Variants in MYO18B observed in about 807,000 individuals in gnomAD.
MYO18B encodes unconventional myosin-XVIIIb.
In MYO18B, 204 loss-of-function variants were observed where a neutral mutation model predicts 273.0. The observed-to-expected ratio is 0.75, with a 90% CI of 0.67 to 0.84. MYO18B has a LOEUF of 0.84. MYO18B is among the 40% of genes least tolerant of loss of function. MYO18B has a pLI of 0.00. For missense variants in MYO18B, 3,212 were observed against 3,287.6 expected (o/e 0.98, Z 0.56); for synonymous variants, 1,330 against 1,305.7 (o/e 1.02, Z -0.40).
At chr22:25,834,139 CTTCTTTTTTTTT>C (rs143178040) in intron 16 of MYO18B, among the ~76,000 whole-genome samples, 1,727 of 151,402 alleles carry the variant, frequency 0.011, 32 homozygotes, top group African/African-American at 0.039. Flanking sequence ...CTACCTTCTT[CTTCTTTTTTTTT>C]TTCTTTTTTT....
At chr22:25,946,565 AT>A (rs2092715433) in intron 35 of MYO18B, among the ~76,000 whole-genome samples, 1 of 152,200 alleles carries the variant, frequency 6.6e-6, no homozygotes, top group Non-Finnish European at 1.5e-5. Context: ...ATCTGCAACG[AT>A]AAGCAAGGAA....
intron 42 of MYO18B, among the ~76,000 whole-genome samples, chr22:26,018,905 G>A (rs1015413592): frequency 1.3e-5 from 2 of 152,112 alleles, no homozygotes; most frequent in African/African-American, 2.4e-5. Flanking sequence ...GCAGTGAGCC[G>A]AGATTGTGCC....
chr22:25,920,917 A>G (rs577753061), intron 33 of MYO18B, among the ~76,000 whole-genome samples: 1 of 152,358 alleles, frequency 6.6e-6, no homozygotes, highest in African/African-American at 2.4e-5. Flanking sequence ...GTGAGGTCAC[A>G]CTGATGACTT....
chr22:25,777,439 A>G, intron 7 of MYO18B, 144 bp from the exon 8 acceptor site: 1 of 764,068 alleles, frequency 1.3e-6, no homozygotes, highest in Non-Finnish European at 2.0e-6. Flanking sequence ...CTCCTAGTCG[A>G]GTAGGAAGGG....
intron 42 of MYO18B, among the ~76,000 whole-genome samples, chr22:26,005,063 A>G (rs1471037811): frequency 1.3e-5 from 2 of 152,204 alleles, no homozygotes; most frequent in African/African-American, 2.4e-5. Context: ...CTCATCTGCA[A>G]TACATGGAAT....
At chr22:26,031,396 C>CT (rs1008907317), downstream of MYO18B, among the ~76,000 whole-genome samples, 1 of 152,154 alleles carries the variant, frequency 6.6e-6, no homozygotes, top group Non-Finnish European at 1.5e-5. Flanking sequence ...TAAATTCCTT[C>CT]TGAGAGCTGT....
chr22:25,969,973 T>A (rs1256021148), intron 39 of MYO18B, among the ~76,000 whole-genome samples: 1 of 152,102 alleles, frequency 6.6e-6, no homozygotes, highest in African/African-American at 2.4e-5. Flanking sequence ...CCATATCATC[T>A]TCTTCATCAC....
At chr22:25,779,235 A>T (rs1229818954) in intron 8 of MYO18B, among the ~76,000 whole-genome samples, 38 of 152,182 alleles carry the variant, frequency 2.5e-4, no homozygotes, top group Admixed American at 2.5e-3. Context: ...TTCTAATAAT[A>T]ATAACTATAA....
intron 11 of MYO18B, among the ~76,000 whole-genome samples, chr22:25,792,935 G>T (rs1015991214): frequency 2.6e-5 from 4 of 152,188 alleles, no homozygotes; most frequent in African/African-American, 9.7e-5. Flanking sequence ...TGTGCTCTGT[G>T]TGTCATCTCT....
intron 36 of MYO18B, among the ~76,000 whole-genome samples, chr22:25,949,229 C>T (rs1448741253): frequency 6.6e-6 from 1 of 152,178 alleles, no homozygotes; most frequent in African/African-American, 2.4e-5. Flanking sequence ...TTGTCCAGTG[C>T]TGTATTCAGA....
At chr22:26,000,069 T>C (rs974924247) in intron 40 of MYO18B, among the ~76,000 whole-genome samples, 1 of 152,176 alleles carries the variant, frequency 6.6e-6, no homozygotes, top group African/African-American at 2.4e-5. Context: ...CATGGACAGG[T>C]CATCTGCCCT....
chr22:25,834,867 G>A (rs1302149665), intron 16 of MYO18B, among the ~76,000 whole-genome samples: 5 of 152,194 alleles, frequency 3.3e-5, no homozygotes, highest in Non-Finnish European at 7.3e-5. Flanking sequence ...ACTTCTTAGA[G>A]GAAACGATAC....
chr22:25,746,937 C>T (rs2085796640), intron 1 of MYO18B, among the ~76,000 whole-genome samples: 1 of 152,020 alleles, frequency 6.6e-6, no homozygotes, highest in South Asian at 2.1e-4. Context: ...CTGGCTAACA[C>T]GGTGAAACCC....
At chr22:26,016,844 G>A (rs565057647) in intron 42 of MYO18B, among the ~76,000 whole-genome samples, 29 of 152,328 alleles carry the variant, frequency 1.9e-4, no homozygotes, top group South Asian at 4.1e-4. Flanking sequence ...CCCCAGCCCA[G>A]GCCAGAGGGC....
chr22:25,816,258 G>A (rs1000121686), intron 12 of MYO18B, among the ~76,000 whole-genome samples: 2 of 152,182 alleles, frequency 1.3e-5, no homozygotes, highest in African/African-American at 2.4e-5. Flanking sequence ...TTTAAGGGAG[G>A]AAATCTCTGA....
chr22:26,023,438 CT>C (rs540529471), intron 42 of MYO18B, among the ~76,000 whole-genome samples: 97 of 151,944 alleles, frequency 6.4e-4, no homozygotes, highest in Non-Finnish European at 1.2e-3. Flanking sequence ...ACTTTTATGC[CT>C]TTTTTCCCCC....
intron 34 of MYO18B, among the ~76,000 whole-genome samples, chr22:25,945,640 G>A (rs2092694785): frequency 6.6e-6 from 1 of 151,598 alleles, no homozygotes; most frequent in Non-Finnish European, 1.5e-5. Flanking sequence ...GGCTGAGCTA[G>A]AGGGGAAGGA....
intron 12 of MYO18B, among the ~76,000 whole-genome samples, chr22:25,818,031 G>C (rs1327335136): frequency 2.6e-5 from 4 of 152,166 alleles, no homozygotes; most frequent in Non-Finnish European, 5.9e-5. Flanking sequence ...CTAGCAACCC[G>C]AAAAATGGCT....
intron 34 of MYO18B, among the ~76,000 whole-genome samples, chr22:25,933,841 G>T (rs992177592): frequency 2.0e-5 from 3 of 152,136 alleles, no homozygotes; most frequent in East Asian, 1.9e-4. Flanking sequence ...TTTCTGTAGG[G>T]TGCATAACTA....
Sources: gnomAD v4.1 joint callset for allele counts (sites outside exome capture counted in the v4.1 genomes callset) on GRCh38, gnomAD v4.1.1 for gene constraint, MANE v1.5 for transcripts, NCBI Gene and HGNC (gene_info 2026-07-23, HGNC 2026-07-21) for gene names.